OLA1: variants seen among roughly 807,000 people sequenced by gnomAD.
The protein encoded by OLA1 is obg-like ATPase 1.
OLA1 carries 14 observed loss-of-function variants against 48.4 expected under a neutral mutation model. The ratio of observed to expected loss-of-function variants is 0.29; its 90% confidence interval spans 0.19 to 0.45. The LOEUF is 0.45. Among genes scored for constraint, OLA1 ranks in the 20% least tolerant of loss-of-function variants. The probability of loss-of-function intolerance (pLI) is 1.00; values close to 1 mark genes in which losing one functional copy is unlikely to be tolerated. For missense variants in OLA1, 325 were observed against 467.1 expected (o/e 0.70, Z 2.80); for synonymous variants, 127 against 150.4 (o/e 0.84, Z 1.14).
At chr2:174,190,135 A>G (rs1170476541) in intron 4 of OLA1, among the ~76,000 whole-genome samples, 1 of 152,186 alleles carries the variant, frequency 6.6e-6, no homozygotes, top group Non-Finnish European at 1.5e-5. Context: ...ATATTTGTAT[A>G]AAGAAATTAC....
intron 7 of OLA1, among the ~76,000 whole-genome samples, chr2:174,090,845 A>T (rs1410513374): frequency 2.6e-5 from 4 of 152,230 alleles, no homozygotes; most frequent in Non-Finnish European, 5.9e-5. Flanking sequence ...TCAAGTAAGT[A>T]TATAACTGTA....
chr2:174,226,772 C>A (rs1574565425), intron 3 of OLA1, among the ~76,000 whole-genome samples: 1 of 152,176 alleles, frequency 6.6e-6, no homozygotes, highest in South Asian at 2.1e-4. Flanking sequence ...GTGCTGGGAT[C>A]ACAGGCTTGA....
chr2:174,103,508 C>G lies in OLA1; in HGVS notation c.728+19672G>C, dbSNP rs1047104170. Among the ~76,000 whole-genome samples, 26 of 152,164 alleles carry G rather than the reference C, an allele frequency of 1.7e-4. 1 individual carries two copies. Among genetic ancestry groups the G allele is most frequent in the Admixed American group, 1.2e-3 (19 of 15,276 alleles). ...TCTATTATAGACAGTATGTGCTAAC[C>G]CTGGCATACACAGCCTATCCACCTG... On this transcript the variant is annotated intron_variant, in intron 7 of 10. Coordinates refer to ENST00000284719, the MANE Select transcript of OLA1 (RefSeq NM_013341.5).
intron 7 of OLA1, among the ~76,000 whole-genome samples, chr2:174,108,467 A>G (rs1685565596): frequency 6.6e-6 from 1 of 152,312 alleles, no homozygotes; most frequent in Non-Finnish European, 1.5e-5. Context: ...ATCATAAAAT[A>G]TAACATTTTG....
At chr2:174,127,395 G>T in intron 5 of OLA1, among the ~76,000 whole-genome samples, 1 of 151,778 alleles carries the variant, frequency 6.6e-6, no homozygotes, top group South Asian at 2.1e-4. Flanking sequence ...TAATTATTTG[G>T]GTACAATAGC....
chr2:174,228,352 T>C (rs572288936), intron 3 of OLA1, among the ~76,000 whole-genome samples: 4 of 152,270 alleles, frequency 2.6e-5, no homozygotes, highest in Admixed American at 2.0e-4. Context: ...TAAGTCTGTA[T>C]TGCTTAATCC....
chr2:174,081,234 A>G lies in OLA1; in HGVS notation c.884T>C (p.Ile295Thr). 1 of 1,610,690 alleles carries G rather than the reference A, an allele frequency of 6.2e-7. No homozygotes were observed. The highest frequency in any genetic ancestry group is 8.5e-7 in the Non-Finnish European group (1 of 1,178,780). ...ANMTQSALPK[I>T]IKAGFAALQL... is the part of the protein sequence containing the mutation. Reference sequence around the variant, plus strand: ...GAGTGCTGCAAACCCAGCCTTAATGATCTTTGGCAAAGCACTGAAATCAAA... The same window carrying G: ...GAGTGCTGCAAACCCAGCCTTAATGGTCTTTGGCAAAGCACTGAAATCAAA... Residue 295 changes from isoleucine to threonine, a missense_variant, in exon 9 of 11, where the codon ATC becomes ACC. Coordinates refer to ENST00000284719, the MANE Select transcript of OLA1 (RefSeq NM_013341.5).
At position 174,082,041 on chromosome 2, in the gene OLA1, A is replaced by C. The variant is rs1191819175; in HGVS notation, c.752T>G (p.Val251Gly). The change falls in exon 8 of 11, where the codon GTG becomes GGG. Residue 251 changes from valine to glycine, a missense_variant. Transcript: ENST00000284719. ...CAAAGCACCTGGGTCATACTTGTCCACCCACTCTTTAATTTTTATCAACCT... is the reference window on the plus strand; with the variant it reads ...CAAAGCACCTGGGTCATACTTGTCCCCCCACTCTTTAATTTTTATCAACCT... Reference protein sequence around the residue: ...NKWLIKIKEWVDKYDPGALVI... With the variant: ...NKWLIKIKEWGDKYDPGALVI... 6.2e-7 allele frequency: 1 copy of C among 1,613,252 alleles called. No individual in the cohort carries two copies. Among genetic ancestry groups the C allele is most frequent in the Non-Finnish European group, 8.5e-7 (1 of 1,179,438 alleles).
At chr2:174,219,907 A>G (rs112900684) in intron 4 of OLA1, among the ~76,000 whole-genome samples, 4 of 152,062 alleles carry the variant, frequency 2.6e-5, no homozygotes, top group Admixed American at 6.5e-5. Flanking sequence ...TGAGGTGGGC[A>G]TATCACTTGA....
intron 7 of OLA1, among the ~76,000 whole-genome samples, chr2:174,102,588 G>A (rs770662783): frequency 3.9e-5 from 6 of 152,054 alleles, no homozygotes; most frequent in Non-Finnish European, 8.8e-5. Context: ...AGGTCATATA[G>A]TTTTGAGGAA....
At chr2:174,193,903 G>C (rs1314080976) in intron 4 of OLA1, among the ~76,000 whole-genome samples, 1 of 152,160 alleles carries the variant, frequency 6.6e-6, no homozygotes, top group African/African-American at 2.4e-5. Context: ...TCACATGTCA[G>C]CCTGGGTCTT....
At position 174,220,491 on chromosome 2, in the gene OLA1, C is replaced by T. The variant is rs183155507; in HGVS notation, c.373+2542G>A. On this transcript the variant is annotated intron_variant, in intron 4 of 10. Coordinates refer to ENST00000284719, the MANE Select transcript of OLA1 (RefSeq NM_013341.5). ...GAAAGACATCTAATATTTATGTGACCATTTTATTCAATGTCTGTATCCTCC... is the reference window on the plus strand; with the variant it reads ...GAAAGACATCTAATATTTATGTGACTATTTTATTCAATGTCTGTATCCTCC... Among the ~76,000 whole-genome samples, 24 of 152,186 alleles carry T rather than the reference C, an allele frequency of 1.6e-4. No individual in the cohort carries two copies. The East Asian group carries it at 4.6e-3, about 29-fold the overall frequency.
intron 4 of OLA1, among the ~76,000 whole-genome samples, chr2:174,172,877 TA>T (rs2105407237): frequency 6.6e-6 from 1 of 152,266 alleles, no homozygotes; most frequent in East Asian, 1.9e-4. Flanking sequence ...GTCCTCACCA[TA>T]AGGAGTTCTT....
At chr2:174,087,837 A>G (rs1685018547) in intron 7 of OLA1, among the ~76,000 whole-genome samples, 1 of 152,218 alleles carries the variant, frequency 6.6e-6, no homozygotes, top group African/African-American at 2.4e-5. Context: ...AAGATGGGTC[A>G]ATCCAATAAT....
intron 5 of OLA1, among the ~76,000 whole-genome samples, chr2:174,141,024 C>T (rs967223139): frequency 6.6e-6 from 1 of 152,142 alleles, no homozygotes; most frequent in Non-Finnish European, 1.5e-5. Context: ...CTCCGCCTCC[C>T]GGGTTCAAGC....
At chr2:174,098,647 G>A (rs2105350933) in intron 7 of OLA1, among the ~76,000 whole-genome samples, 1 of 152,262 alleles carries the variant, frequency 6.6e-6, no homozygotes, top group South Asian at 2.1e-4. Flanking sequence ...TACGGGCCAT[G>A]CCATGGAACT....
chr2:174,171,017 A>G (rs1053176983), intron 4 of OLA1, among the ~76,000 whole-genome samples: 4 of 152,260 alleles, frequency 2.6e-5, no homozygotes, highest in African/African-American at 9.6e-5. Flanking sequence ...AATAAAAAGT[A>G]CTGCATATTT....
intron 4 of OLA1, among the ~76,000 whole-genome samples, chr2:174,166,061 G>A (rs1012538565): frequency 1.3e-5 from 2 of 151,530 alleles, no homozygotes; most frequent in African/African-American, 4.9e-5. Context: ...GGGAGGCAGA[G>A]GTCACATGAG....
intron 4 of OLA1, among the ~76,000 whole-genome samples, chr2:174,190,047 A>C (rs1687741597): frequency 6.6e-6 from 1 of 152,172 alleles, no homozygotes; most frequent in Non-Finnish European, 1.5e-5. Flanking sequence ...TAAATGCCAA[A>C]AGTAAGGTAC....
Sources: gnomAD v4.1 joint callset for allele counts (sites outside exome capture counted in the v4.1 genomes callset) on GRCh38, gnomAD v4.1.1 for gene constraint, MANE v1.5 for transcripts, NCBI Gene and HGNC (gene_info 2026-07-23, HGNC 2026-07-21) for gene names.